The following CPNE9 variants were observed in gnomAD, a reference collection of about 807,000 sequenced individuals.
CPNE9 encodes copine-9.
A neutral mutation model predicts 83.0 loss-of-function variants in CPNE9; 59 were observed. That is an observed-to-expected ratio of 0.71 (90% CI 0.58 to 0.88). The LOEUF is 0.88. Among genes scored for constraint, CPNE9 ranks in the 40% least tolerant of loss-of-function variants. The pLI, the probability that CPNE9 is intolerant of heterozygous loss-of-function variation, is 0.00. For synonymous variants in CPNE9, 256 were observed against 273.4 expected, an observed-to-expected ratio of 0.94 and a Z score of 0.63; for missense variants, 619 against 720.8, an observed-to-expected ratio of 0.86 and a Z score of 1.62.
intron 17 of CPNE9, among the ~76,000 whole-genome samples, chr3:9,723,635 C>T (rs1427498065): frequency 1.3e-5 from 2 of 152,176 alleles, no homozygotes; most frequent in Non-Finnish European, 2.9e-5. Flanking sequence ...TCATGGCTCA[C>T]TGGGCTCATG....
In CPNE9 at chr3:9,704,702, G is replaced by C. The variant is rs772992297; in HGVS notation, c.110-47G>C. 1.4e-5 allele frequency: 23 copies of C among 1,610,854 alleles called. No homozygotes were observed. Among genetic ancestry groups the C allele is most frequent in the Non-Finnish European group, 2.0e-5 (23 of 1,177,778 alleles). On this transcript the variant is annotated intron_variant, in intron 2 of 20. Transcript: ENST00000383832. This position sits in a 1 kb window ranked among gnomAD's most constrained non-coding sequence, Gnocchi z 7.1. ...CAGGGGCGGGTGGAGTCGGGGCCAG[G>C]GGTGGGAGCCGACCTGACGTCCTTC...
chr3:9,708,565 C>A (rs868476308), intron 7 of CPNE9, among the ~76,000 whole-genome samples: 1 of 151,910 alleles, frequency 6.6e-6, no homozygotes. Context: ...GATGAAAATC[C>A]CTGTTGACTC....
intron 10 of CPNE9, among the ~76,000 whole-genome samples, chr3:9,714,477 T>C (rs1213928510): frequency 6.6e-6 from 1 of 151,874 alleles, no homozygotes; most frequent in Non-Finnish European, 1.5e-5. Flanking sequence ...TTACTAGCTA[T>C]GAGATCTTAG....
At chr3:9,710,746 T>C (rs532025922) in intron 7 of CPNE9, among the ~76,000 whole-genome samples, 8 of 152,240 alleles carry the variant, frequency 5.3e-5, no homozygotes, top group South Asian at 4.1e-4. Context: ...AGAGAAAAGA[T>C]TGGGCCAGTG....
Position 9,725,308 on chromosome 3 carries a change from G to A in CPNE9, c.1242-641G>A, listed in dbSNP as rs923977674. ...CCAGCACTTTGAGAGGCTGAGGCAG[G>A]CGAATCACTTGAGGTCAGGAGTTTG... On this transcript the variant is annotated intron_variant, in intron 17 of 20. Transcript: ENST00000383832. 2.6e-5 allele frequency among the ~76,000 whole-genome samples: 4 copies of A among 152,022 alleles called. No individual in the cohort carries two copies. The Middle Eastern group carries it at 9.5e-3, about 361-fold the overall frequency.
chr3:9,713,896 C>G, intron 10 of CPNE9, among the ~76,000 whole-genome samples: 1 of 151,756 alleles, frequency 6.6e-6, no homozygotes, highest in Non-Finnish European at 1.5e-5. Context: ...ACGGTGAAAC[C>G]CCATCTCTAC....
At position 9,727,138 on chromosome 3, in the gene CPNE9, T is replaced by C. The variant is rs2076791639; in HGVS notation, c.1428T>C (p.Asp476=). ...CAATGGAAGAGTTGGACGGTGATGA[T>C]GTGCGCGTGTCCTCTAGGGGACGCT... is the stretch of plus-strand genomic sequence containing the variant. ...FEAMEELDGD[D]VRVSSRGRYA... Residue 476 remains aspartate (D), a synonymous_variant, in exon 20 of 21, where the codon GAT becomes GAC. Coordinates refer to ENST00000383832, the MANE Select transcript of CPNE9 (RefSeq NM_153635.3). The C allele has an allele frequency of 2.5e-6, 4 of 1,614,022 alleles. No homozygotes were observed. In the South Asian group the frequency reaches 3.3e-5, roughly 13 times the overall value.
At position 9,726,125 on chromosome 3, in the gene CPNE9, T is replaced by A. The variant is rs1575134897; in HGVS notation, c.1344+74T>A. The A allele has an allele frequency of 2.2e-5, 21 of 934,664 alleles. No individual in the cohort carries two copies. In the East Asian group the frequency reaches 5.9e-4, roughly 26 times the overall value. The allele number at this position is 934,664 out of a possible 1,614,324, so 57.9% of individuals were successfully genotyped here. ...TGAAGGGGCTGAGATTTTATCCTAC[T>A]TGCAAGCTAACAAGTTAGCCTGCCA... On this transcript the variant is annotated intron_variant, in intron 18 of 20. Coordinates refer to ENST00000383832, the MANE Select transcript of CPNE9 (RefSeq NM_153635.3).
At chr3:9,706,105 TC>T (rs1274188031) in intron 7 of CPNE9, 42 bp downstream of exon 7, 1 of 1,583,454 alleles carries the variant, frequency 6.3e-7, no homozygotes. Flanking sequence ...GGTGGGGGCT[TC>T]CAAATTCTCC....
At chr3:9,712,950 A>G in intron 9 of CPNE9, 25 bp from the exon 10 acceptor site, 1 of 1,599,918 alleles carries the variant, frequency 6.3e-7, no homozygotes, top group Non-Finnish European at 8.6e-7. Context: ...GATAAATTAT[A>G]CCAATTCTTC....
At position 9,705,457 on chromosome 3, in the gene CPNE9, T is replaced by C. The variant is rs1166314180; in HGVS notation, c.261-7T>C. On this transcript the variant is annotated splice_region_variant and splice_polypyrimidine_tract_variant and intron_variant, in intron 4 of 20. Transcript: ENST00000383832. ...CCCACCCCACACCGGTTCCACTCTT[T>C]TCCCAGGTACAACGTGGACTCCAAA... 1.0e-5 allele frequency: 15 copies of C among 1,466,102 alleles called. No individual in the cohort carries two copies. The highest frequency in any genetic ancestry group is 2.7e-5 in the East Asian group (1 of 37,102). The allele number at this position is 1,466,102 out of a possible 1,614,324, so 90.8% of individuals were successfully genotyped here.
intron 16 of CPNE9, 35 bp from the exon 17 acceptor site, chr3:9,718,440 A>G: frequency 6.3e-7 from 1 of 1,599,692 alleles, no homozygotes; most frequent in Non-Finnish European, 8.5e-7. Flanking sequence ...TGTACCCTGC[A>G]TGGGCTCAGC....
chr3:9,724,453 G>A (rs980605299), intron 17 of CPNE9, among the ~76,000 whole-genome samples: 5 of 152,080 alleles, frequency 3.3e-5, no homozygotes, highest in African/African-American at 7.2e-5. Context: ...CTTTGCTCTC[G>A]CTCATATATA....
chr3:9,710,642 T>C (rs2076617684), intron 7 of CPNE9, among the ~76,000 whole-genome samples: 2 of 152,358 alleles, frequency 1.3e-5, no homozygotes, highest in Middle Eastern at 3.4e-3. Flanking sequence ...TGTGTTTTTG[T>C]CTGGCCATGT....
At chr3:9,718,300 G>C (rs2076703574) in intron 16 of CPNE9, 90 bp downstream of exon 16, 2 of 1,409,980 alleles carry the variant, frequency 1.4e-6, no homozygotes, top group Admixed American at 4.3e-5. Context: ...ACTTCAAAGG[G>C]CATGTAGAGG....
chr3:9,715,215 G>C, intron 11 of CPNE9, 74 bp from the exon 12 acceptor site: 1 of 1,496,836 alleles, frequency 6.7e-7, no homozygotes, highest in South Asian at 1.1e-5. Flanking sequence ...AGGATAGGAG[G>C]AATAAAAGAC....
At chr3:9,709,663 T>C (rs2076605903) in intron 7 of CPNE9, among the ~76,000 whole-genome samples, 2 of 151,774 alleles carry the variant, frequency 1.3e-5, no homozygotes, top group East Asian at 2.0e-4. Context: ...CTGCCACGCC[T>C]AGCCAAGTTT....
At position 9,713,075 on chromosome 3, in the gene CPNE9, G is replaced by A; in HGVS notation, c.646G>A (p.Asp216Asn). 1 of 1,612,510 alleles carries A rather than the reference G, an allele frequency of 6.2e-7. No individual in the cohort carries two copies. Among genetic ancestry groups the A allele is most frequent in the African/African-American group, 1.3e-5 (1 of 75,040 alleles). Residue 216 changes from aspartate to asparagine, a missense_variant, in exon 10 of 21, where the codon GAC (aspartate) becomes AAC (asparagine). Transcript: ENST00000383832. ...PVRALCNGDY[D>N]RTVKIDVYDW... is the part of the protein sequence containing the mutation. ...GCGGGCTCTGTGCAATGGAGACTATGACAGGTTGGCTCCAGCATAAGCTGG... is the reference window on the plus strand; with the variant it reads ...GCGGGCTCTGTGCAATGGAGACTATAACAGGTTGGCTCCAGCATAAGCTGG...
intron 4 of CPNE9, 43 bp from the exon 5 acceptor site, chr3:9,705,421 C>A: frequency 1.4e-6 from 1 of 720,050 alleles, no homozygotes; most frequent in Non-Finnish European, 2.4e-6. Flanking sequence ...CCACCCTCTC[C>A]CCCACCCAGC....
Sources: gnomAD v4.1 joint callset for allele counts (sites outside exome capture counted in the v4.1 genomes callset) on GRCh38, gnomAD v4.1.1 for gene constraint, Gnocchi (gnomAD v3.1) non-coding constraint, MANE v1.5 for transcripts, NCBI Gene and HGNC (gene_info 2026-07-23, HGNC 2026-07-21) for gene names.